The following ACAN variants were observed in gnomAD, a reference collection of about 807,000 sequenced individuals.
ACAN encodes aggrecan core protein.
ACAN carries 47 observed loss-of-function variants against 169.1 expected under a neutral mutation model. That is an observed-to-expected ratio of 0.28 (90% confidence interval 0.22 to 0.35). The LOEUF is 0.35. Ranked by LOEUF, ACAN falls within the 10% of genes least tolerant of loss-of-function variation. The pLI, the probability that ACAN is intolerant of heterozygous loss-of-function variation, is 1.00. For synonymous variants in ACAN, 1,115 were observed against 1,112.2 expected (o/e 1.00, Z -0.05); for missense variants, 2,716 against 2,759.9 (o/e 0.98, Z 0.36).
chr15:88,838,911 C>A lies in ACAN; in HGVS notation c.319C>A (p.Pro107Thr). Reference sequence around the variant, plus strand: ...TGCCTATCAGGACAAGGTCTCACTGCCCAACTACCCGGCCATCCCCAGTGA... The same window carrying A: ...TGCCTATCAGGACAAGGTCTCACTGACCAACTACCCGGCCATCCCCAGTGA... Reference protein sequence around the residue: ...NSAYQDKVSLPNYPAIPSDAT... With the variant: ...NSAYQDKVSLTNYPAIPSDAT... Residue 107 changes from proline (P) to threonine (T), a missense_variant, in exon 3 of 19, where the codon CCC (proline) becomes ACC (threonine). Physicochemically the swap from Pro to Thr is conservative, Grantham distance 38 (BLOSUM62 -1). This residue lies in a region of ACAN where 1,283 missense variants were observed against 1,281.5 expected (regional missense o/e 1.00). Coordinates refer to ENST00000560601, the MANE Select transcript of ACAN (RefSeq NM_001369268.1). The surrounding 1 kb of genome is among the most constrained non-coding windows in gnomAD (Gnocchi z 5.1). The A allele has an allele frequency of 6.2e-7, 1 of 1,614,040 alleles. No individual in the cohort carries two copies. The highest frequency in any genetic ancestry group is 8.5e-7 in the Non-Finnish European group (1 of 1,179,902).
intron 1 of ACAN, among the ~76,000 whole-genome samples, chr15:88,812,254 C>G (rs976390891): frequency 2.6e-5 from 4 of 152,180 alleles, no homozygotes; most frequent in African/African-American, 9.7e-5. Flanking sequence ...CTTATGTACA[C>G]CAGATAAGGC....
In ACAN at chr15:88,814,030, C is replaced by T. The variant is rs1895882076; in HGVS notation, c.-8+10221C>T. Among the ~76,000 whole-genome samples the T allele has an allele frequency of 6.6e-6, 1 of 152,224 alleles. No individual in the cohort carries two copies. Among genetic ancestry groups the T allele is most frequent in the Non-Finnish European group, 1.5e-5 (1 of 68,036 alleles). ...CTCCTGATGACATCTAGTGCTTAGA[C>T]TCACAAAAGAATCCATTCAGCCATT... On this transcript the variant is annotated intron_variant, in intron 1 of 18. Transcript: ENST00000560601. The surrounding 1 kb of genome is among the most constrained non-coding windows in gnomAD (Gnocchi z 4.0).
chr15:88,845,390 C>A, intron 6 of ACAN, 115 bp from the exon 7 acceptor site: 1 of 1,442,300 alleles, frequency 6.9e-7, no homozygotes, highest in East Asian at 2.4e-5. Context: ...ACAGTGGTGC[C>A]CTCCTGCCCC....
intron 1 of ACAN, among the ~76,000 whole-genome samples, chr15:88,811,801 T>C (rs769536792): frequency 3.2e-4 from 49 of 152,050 alleles, no homozygotes; most frequent in Admixed American, 1.1e-3. Context: ...TGGAGCTGAG[T>C]AAAGAGGTGC....
chr15:88,810,470 G>C (rs979444183), intron 1 of ACAN, among the ~76,000 whole-genome samples: 1 of 152,016 alleles, frequency 6.6e-6, no homozygotes, highest in African/African-American at 2.4e-5. Flanking sequence ...CCTGTGTAGG[G>C]GATTTTTCCC....
intron 1 of ACAN, among the ~76,000 whole-genome samples, chr15:88,828,324 G>C (rs1458626686): frequency 6.6e-6 from 1 of 152,162 alleles, no homozygotes; most frequent in Non-Finnish European, 1.5e-5. Flanking sequence ...TGCCACATCG[G>C]CAGTCAGGTA....
At chr15:88,804,588 G>T (rs1018225215) in intron 1 of ACAN, among the ~76,000 whole-genome samples, 1 of 152,226 alleles carries the variant, frequency 6.6e-6, no homozygotes, top group Non-Finnish European at 1.5e-5. Flanking sequence ...TTCAAACGAA[G>T]CCAATGCTGG....
chr15:88,871,842 C>T lies in ACAN; in HGVS notation c.7220-161C>T, dbSNP rs955112524. ...GCCCGAAGTGCACTCCAGGCATGCACGTGCTGAGCCTCTTGTGAGGACCTG... is the reference window on the plus strand; with the variant it reads ...GCCCGAAGTGCACTCCAGGCATGCATGTGCTGAGCCTCTTGTGAGGACCTG... On this transcript the variant is annotated intron_variant, in intron 15 of 18. Coordinates refer to ENST00000560601, the MANE Select transcript of ACAN (RefSeq NM_001369268.1). This position sits in a 1 kb window ranked among gnomAD's most constrained non-coding sequence, Gnocchi z 7.8. Among the ~76,000 whole-genome samples the T allele has an allele frequency of 3.9e-5, 6 of 152,200 alleles. No homozygotes were observed. The highest frequency in any genetic ancestry group is 7.3e-5 in the Non-Finnish European group (5 of 68,036).
intron 1 of ACAN, among the ~76,000 whole-genome samples, chr15:88,835,143 C>T (rs1447908454): frequency 6.6e-6 from 1 of 152,148 alleles, no homozygotes. Context: ...CCATAACCTC[C>T]TCAAGAGCTC....
chr15:88,865,301 GTC>G (rs35255575), intron 13 of ACAN, among the ~76,000 whole-genome samples: 4,040 of 152,184 alleles, frequency 0.027, 85 homozygotes, highest in South Asian at 0.043. Context: ...GGACTCCAGT[GTC>G]TCTCTCCCTC....
At chr15:88,865,438 CTTTT>C (rs1348610633) in intron 13 of ACAN, among the ~76,000 whole-genome samples, 2 of 152,110 alleles carry the variant, frequency 1.3e-5, no homozygotes, top group Admixed American at 1.3e-4. Context: ...TTCTTTCTTT[CTTTT>C]CTGTTTTGTT....
intron 1 of ACAN, among the ~76,000 whole-genome samples, 193 bp downstream of exon 1, chr15:88,804,002 C>T (rs1442487953): frequency 6.6e-6 from 1 of 152,184 alleles, no homozygotes; most frequent in Non-Finnish European, 1.5e-5. Context: ...TTGGCTGTTG[C>T]AGACTCAGTG....
rs1897288213 is a variant in ACAN, at chr15:88,866,852, TC to T, written c.6947-1362del. Among the ~76,000 whole-genome samples the T allele has an allele frequency of 6.6e-6, 1 of 152,152 alleles. No individual in the cohort carries two copies. The highest frequency in any genetic ancestry group is 1.5e-5 in the Non-Finnish European group (1 of 68,030). On this transcript the variant is annotated intron_variant, in intron 13 of 18. Coordinates refer to ENST00000560601, the MANE Select transcript of ACAN (RefSeq NM_001369268.1). The surrounding 1 kb of genome is among the most constrained non-coding windows in gnomAD (Gnocchi z 5.6). The stretch of plus-strand genomic sequence containing the variant: ...TTGGCACATGTTTAGGACTCTGAGA[TC>T]CTATTCCCACCACAGGGCTTCGCTG...
At position 88,822,766 on chromosome 15, in the gene ACAN, T is replaced by C. The variant is rs148182747; in HGVS notation, c.-7-13434T>C. On this transcript the variant is annotated intron_variant, in intron 1 of 18. Coordinates refer to ENST00000560601, the MANE Select transcript of ACAN (RefSeq NM_001369268.1). ...ACATGTGTTCTATGAGGTGAGGTCC[T>C]TCCCAGACCCTGGAATCAGGGGTTG... Among the ~76,000 whole-genome samples, 322 of 152,294 alleles carry C rather than the reference T, an allele frequency of 2.1e-3. 1 individual carries two copies. Among genetic ancestry groups the C allele is most frequent in the African/African-American group, 7.3e-3 (305 of 41,562 alleles).
At position 88,871,621 on chromosome 15, in the gene ACAN, T is replaced by C. The variant is rs550074418; in HGVS notation, c.7219+81T>C. ...GCCTCACCTTTCAGAAGGCAGCAGATTTGGGCCTCGTGAGACTGCAGGACA... is the reference window on the plus strand; with the variant it reads ...GCCTCACCTTTCAGAAGGCAGCAGACTTGGGCCTCGTGAGACTGCAGGACA... On this transcript the variant is annotated intron_variant, in intron 15 of 18. Transcript: ENST00000560601. This position sits in a 1 kb window ranked among gnomAD's most constrained non-coding sequence, Gnocchi z 7.8. 2 of 1,499,696 alleles carry C rather than the reference T, an allele frequency of 1.3e-6. No homozygotes were observed. The highest frequency in any genetic ancestry group is 1.4e-5 in the African/African-American group (1 of 72,842). The allele number at this position is 1,499,696 out of a possible 1,614,324, so 92.9% of individuals were successfully genotyped here. A position where few individuals can be genotyped will look rare whatever the true frequency, so the allele number is the denominator to read the frequency against.
chr15:88,827,471 G>T (rs183591026), intron 1 of ACAN, among the ~76,000 whole-genome samples: 7 of 152,224 alleles, frequency 4.6e-5, no homozygotes, highest in Non-Finnish European at 7.3e-5. Context: ...CCCATTAGTT[G>T]GGTGGCTACT....
chr15:88,872,760 C>A lies in ACAN; in HGVS notation c.7303-121C>A, dbSNP rs1190143010. On this transcript the variant is annotated intron_variant, in intron 16 of 18. Coordinates refer to ENST00000560601, the MANE Select transcript of ACAN (RefSeq NM_001369268.1). The surrounding 1 kb of genome is among the most constrained non-coding windows in gnomAD (Gnocchi z 5.4). ...AGTTTTTGTGCTGCTATCAGATGAG[C>A]CTGAAGTTGGTGCTAAAAGAGAAAG... 4 of 1,258,684 alleles carry A rather than the reference C, an allele frequency of 3.2e-6. No homozygotes were observed. The highest frequency in any genetic ancestry group is 4.4e-6 in the Non-Finnish European group (4 of 913,576). 78.0% of individuals were successfully genotyped at this position (1,258,684 alleles called of 1,614,324 possible). A position where few individuals can be genotyped will look rare whatever the true frequency, so the allele number is the denominator to read the frequency against.
chr15:88,838,245 CT>C lies in ACAN; in HGVS notation c.71-414del, dbSNP rs1321569861. On this transcript the variant is annotated intron_variant, in intron 2 of 18. Transcript: ENST00000560601. This position sits in a 1 kb window ranked among gnomAD's most constrained non-coding sequence, Gnocchi z 5.1. ...CTCAGCTTTAAAATTGTGTAGATTA[CT>C]TTTCTACCCCAACATAATTTTTCCC... is the stretch of plus-strand genomic sequence containing the variant. 6.6e-6 allele frequency among the ~76,000 whole-genome samples: 1 copy of C among 152,140 alleles called. No individual in the cohort carries two copies. The highest frequency in any genetic ancestry group is 1.5e-5 in the Non-Finnish European group (1 of 68,020).
At chr15:88,825,257 CCA>C (rs1359795645) in intron 1 of ACAN, among the ~76,000 whole-genome samples, 1 of 152,120 alleles carries the variant, frequency 6.6e-6, no homozygotes, top group Admixed American at 6.5e-5. Flanking sequence ...CCTTTTGCTC[CCA>C]CCCCCTCCAG....
Sources: allele counts gnomAD v4.1 joint callset (sites outside exome capture counted in the v4.1 genomes callset), GRCh38; gene constraint gnomAD v4.1.1; regional missense constraint gnomAD v4.1.1; non-coding constraint Gnocchi (gnomAD v3.1); transcripts MANE v1.5; gene names NCBI Gene and HGNC (gene_info 2026-07-23, HGNC 2026-07-21).